ATRNL1: variants seen among roughly 807,000 people sequenced by gnomAD.
ATRNL1 encodes the protein attractin-like protein 1.
In ATRNL1, 95 loss-of-function variants were observed where a neutral mutation model predicts 182.7. That is an observed-to-expected ratio of 0.52 (90% CI 0.44 to 0.62). The LOEUF (loss-of-function observed/expected upper bound fraction) is 0.62. Ranked by LOEUF, ATRNL1 falls within the 20% of genes least tolerant of loss-of-function variation. The probability of loss-of-function intolerance (pLI) is 0.00; values close to 1 mark genes in which losing one functional copy is unlikely to be tolerated. For synonymous variants in ATRNL1, 576 were observed against 568.3 expected (o/e 1.01, Z -0.19); for missense variants, 1,471 against 1,679.5 (o/e 0.88, Z 2.17).
At position 115,558,114 on chromosome 10, in the gene ATRNL1, C is replaced by T. The variant is rs375387386; in HGVS notation, c.3795+8578C>T. Among the ~76,000 whole-genome samples the T allele has an allele frequency of 5.6e-4, 84 of 150,732 alleles. 3 individuals are homozygous for T. The South Asian group carries it at 0.017, about 31-fold the overall frequency. On this transcript the variant is annotated intron_variant, in intron 26 of 28. Transcript: ENST00000355044. Reference sequence around the variant, plus strand: ...ACCTGGAAATAGTTTTAAGTGCATACGGAAAACAAAGAAACACTTGTTACT... The same window carrying T: ...ACCTGGAAATAGTTTTAAGTGCATATGGAAAACAAAGAAACACTTGTTACT...
At chr10:115,234,990 G>A (rs1850119379) in intron 9 of ATRNL1, among the ~76,000 whole-genome samples, 1 of 151,864 alleles carries the variant, frequency 6.6e-6, no homozygotes, top group Non-Finnish European at 1.5e-5. Context: ...ACTGAGTTTG[G>A]GTATCTTTTC....
intron 28 of ATRNL1, among the ~76,000 whole-genome samples, chr10:115,852,016 A>G (rs1474777078): frequency 6.6e-6 from 1 of 152,204 alleles, no homozygotes; most frequent in Non-Finnish European, 1.5e-5. Context: ...AGCTCTTCAG[A>G]TGCATAAATT....
At chr10:115,375,735 C>A (rs950864214) in intron 19 of ATRNL1, among the ~76,000 whole-genome samples, 15 of 151,966 alleles carry the variant, frequency 9.9e-5, no homozygotes, top group African/African-American at 3.4e-4. Flanking sequence ...TATGCTTTTT[C>A]ACCTTTCCAT....
At chr10:115,359,247 T>C (rs1021974325) in intron 19 of ATRNL1, among the ~76,000 whole-genome samples, 26 of 151,658 alleles carry the variant, frequency 1.7e-4, no homozygotes, top group Non-Finnish European at 3.1e-4. Context: ...TGTTTTGTAG[T>C]TTTTTACATT....
At chr10:115,797,524 C>A (rs1392771581) in intron 27 of ATRNL1, among the ~76,000 whole-genome samples, 4 of 151,920 alleles carry the variant, frequency 2.6e-5, no homozygotes, top group Non-Finnish European at 5.9e-5. Context: ...TGGACTGACA[C>A]TGGGGATATT....
In ATRNL1 at chr10:115,738,125, G is replaced by GTTTTTTTTTTTTTTTTTT. The variant is rs1565334914; in HGVS notation, c.3903+10770_3903+10771insTTTTTTTTTTTTTTTTTT. Among the ~76,000 whole-genome samples, 9 of 53,192 alleles carry GTTTTTTTTTTTTTTTTTT rather than the reference G, an allele frequency of 1.7e-4. 1 individual carries two copies. Among genetic ancestry groups the GTTTTTTTTTTTTTTTTTT allele is most frequent in the African/African-American group, 5.1e-4 (9 of 17,524 alleles). 34.9% of individuals were successfully genotyped at this position (53,192 alleles called of 152,430 possible). ...CATAAAAAATGATTTAGAAGATAAT[G>GTTTTTTTTTTTTTTTTTT]ATTTTTTTTTTTTTTTTTTTTTTTT... On this transcript the variant is annotated intron_variant, in intron 27 of 28. Coordinates refer to ENST00000355044, the MANE Select transcript of ATRNL1 (RefSeq NM_207303.4).
intron 27 of ATRNL1, chr10:115,820,436 A>T (rs1555089901): frequency 6.6e-6 from 1 of 152,124 alleles, no homozygotes; most frequent in Non-Finnish European, 1.5e-5. Flanking sequence ...CTTCATCAGG[A>T]TACAGAAAGG....
At chr10:115,310,613 T>C (rs1853967871) in intron 17 of ATRNL1, among the ~76,000 whole-genome samples, 1 of 152,204 alleles carries the variant, frequency 6.6e-6, no homozygotes, top group South Asian at 2.1e-4. Flanking sequence ...TTCTAGTTTG[T>C]ATGCATAGAA....
At chr10:115,333,832 T>G (rs1554935828) in intron 18 of ATRNL1, among the ~76,000 whole-genome samples, 1 of 152,198 alleles carries the variant, frequency 6.6e-6, no homozygotes, top group Non-Finnish European at 1.5e-5. Flanking sequence ...TACTTTATTC[T>G]GGTTAGAATC....
At chr10:115,138,503 CA>C (rs534929126) in intron 5 of ATRNL1, among the ~76,000 whole-genome samples, 207 of 152,340 alleles carry the variant, frequency 1.4e-3, no homozygotes, top group African/African-American at 4.8e-3. Context: ...TTTTGACTTG[CA>C]TGTACCTGAA....
chr10:115,134,362 C>G (rs1300332530), intron 5 of ATRNL1, among the ~76,000 whole-genome samples: 1 of 152,114 alleles, frequency 6.6e-6, no homozygotes, highest in Non-Finnish European at 1.5e-5. Flanking sequence ...GATATCACCA[C>G]AGATCCCACA....
intron 26 of ATRNL1, among the ~76,000 whole-genome samples, chr10:115,724,568 G>C (rs551626568): frequency 6.6e-6 from 1 of 152,240 alleles, no homozygotes; most frequent in South Asian, 2.1e-4. Context: ...CCCATTTTAT[G>C]GAGAGAAAGA....
At chr10:115,754,448 G>C (rs192053071) in intron 27 of ATRNL1, among the ~76,000 whole-genome samples, 2 of 152,256 alleles carry the variant, frequency 1.3e-5, no homozygotes, top group East Asian at 3.9e-4. Context: ...CCCACTTCTT[G>C]TTTTTGTCAG....
chr10:115,184,673 G>T (rs1847875012), intron 8 of ATRNL1, among the ~76,000 whole-genome samples: 1 of 151,598 alleles, frequency 6.6e-6, no homozygotes, highest in South Asian at 2.1e-4. Flanking sequence ...TCTTGACTTA[G>T]AAACATTGAT....
intron 26 of ATRNL1, among the ~76,000 whole-genome samples, chr10:115,623,043 G>A (rs566411709): frequency 4.6e-5 from 7 of 152,112 alleles, no homozygotes; most frequent in East Asian, 1.9e-4. Context: ...ACAGCATAGC[G>A]TCATTGTATT....
chr10:115,363,792 T>A (rs1182611758), intron 19 of ATRNL1, among the ~76,000 whole-genome samples: 1 of 148,840 alleles, frequency 6.7e-6, no homozygotes, highest in Non-Finnish European at 1.5e-5. Flanking sequence ...TCCCCATTGC[T>A]TGTTTTTCTC....
At chr10:115,395,468 G>T (rs1365622263) in intron 20 of ATRNL1, among the ~76,000 whole-genome samples, 1 of 151,808 alleles carries the variant, frequency 6.6e-6, no homozygotes, top group East Asian at 1.9e-4. Flanking sequence ...TGCATTTCTA[G>T]AAAAAGATGC....
At chr10:115,462,286 C>G (rs1444460778) in intron 22 of ATRNL1, among the ~76,000 whole-genome samples, 1 of 151,858 alleles carries the variant, frequency 6.6e-6, no homozygotes, top group Non-Finnish European at 1.5e-5. Flanking sequence ...AAATTTATGC[C>G]TATAATTATA....
At chr10:115,381,597 G>C (rs2134233624) in intron 19 of ATRNL1, among the ~76,000 whole-genome samples, 1 of 151,626 alleles carries the variant, frequency 6.6e-6, no homozygotes, top group East Asian at 1.9e-4. Flanking sequence ...TAATAGAAGA[G>C]TTCTTTATAT....
Sources: gnomAD v4.1 joint callset for allele counts (sites outside exome capture counted in the v4.1 genomes callset) on GRCh38, gnomAD v4.1.1 for gene constraint, MANE v1.5 for transcripts, NCBI Gene and HGNC (gene_info 2026-07-23, HGNC 2026-07-21) for gene names.